RMST: variants seen among roughly 807,000 people sequenced by gnomAD.
The protein encoded by RMST is long intergenic non-protein coding RNA 54.
intron 11 of RMST, among the ~76,000 whole-genome samples, chr12:97,549,490 G>C (rs1208622790): frequency 6.6e-6 from 1 of 152,208 alleles, no homozygotes; most frequent in African/African-American, 2.4e-5. Flanking sequence ...TCTTAGGCCT[G>C]AGTGAATAAG....
At chr12:97,481,539 A>G (rs923123868) in intron 5 of RMST, among the ~76,000 whole-genome samples, 2 of 152,118 alleles carry the variant, frequency 1.3e-5, no homozygotes, top group Admixed American at 6.5e-5. Flanking sequence ...TATTTTTTTC[A>G]TACCGAGAAA....
chr12:97,505,185 T>A (rs1472145583), intron 10 of RMST, among the ~76,000 whole-genome samples: 1 of 152,228 alleles, frequency 6.6e-6, no homozygotes, highest in Non-Finnish European at 1.5e-5. Context: ...ATGGTTTTTC[T>A]TAAGGCACTT....
intron 10 of RMST, among the ~76,000 whole-genome samples, chr12:97,506,754 G>A (rs917390395): frequency 7.6e-6 from 1 of 131,100 alleles, no homozygotes; most frequent in Non-Finnish European, 1.5e-5. Flanking sequence ...CGCAATCTCC[G>A]CTCACTGCAA....
chr12:97,512,329 T>C (rs756168289), intron 10 of RMST, among the ~76,000 whole-genome samples: 10 of 152,096 alleles, frequency 6.6e-5, no homozygotes, highest in Non-Finnish European at 1.2e-4. Flanking sequence ...CAAGATTTAT[T>C]GCAAAGAGAG....
At chr12:97,554,178 T>C (rs1883521799) in intron 11 of RMST, among the ~76,000 whole-genome samples, 1 of 152,118 alleles carries the variant, frequency 6.6e-6, no homozygotes, top group African/African-American at 2.4e-5. Context: ...GGTCTTGAAC[T>C]CCCGACCTCA....
intron 10 of RMST, among the ~76,000 whole-genome samples, chr12:97,500,179 A>C (rs1024240481): frequency 2.6e-5 from 4 of 152,164 alleles, no homozygotes; most frequent in African/African-American, 9.7e-5. Context: ...CAGAGAGGAG[A>C]ATTTTCTCCG....
At chr12:97,511,988 C>A (rs1879358933) in intron 10 of RMST, among the ~76,000 whole-genome samples, 1 of 152,158 alleles carries the variant, frequency 6.6e-6, no homozygotes, top group African/African-American at 2.4e-5. Flanking sequence ...AGAATGAAGC[C>A]GCGGACCCTC....
At chr12:97,557,781 G>T (rs1883814817) in intron 11 of RMST, among the ~76,000 whole-genome samples, 1 of 152,078 alleles carries the variant, frequency 6.6e-6, no homozygotes, top group Non-Finnish European at 1.5e-5. Context: ...AGGTAGAGAG[G>T]CACAAAGGGA....
chr12:97,537,068 A>G (rs1057426102), intron 11 of RMST, among the ~76,000 whole-genome samples: 1 of 151,544 alleles, frequency 6.6e-6, no homozygotes, highest in African/African-American at 2.4e-5. Context: ...GAAGTTGAAG[A>G]ATATTTGCAG....
At chr12:97,503,905 A>G (rs1014295739) in intron 10 of RMST, among the ~76,000 whole-genome samples, 5 of 152,154 alleles carry the variant, frequency 3.3e-5, no homozygotes, top group African/African-American at 9.7e-5. Context: ...TTATTAAGAA[A>G]GACCAATACA....
intron 11 of RMST, among the ~76,000 whole-genome samples, chr12:97,540,934 A>C (rs1046102046): frequency 1.5e-5 from 2 of 130,904 alleles, no homozygotes; most frequent in African/African-American, 3.0e-5. Context: ...AAATAGATAG[A>C]GAGATAGATA....
intron 5 of RMST, among the ~76,000 whole-genome samples, chr12:97,489,261 C>G (rs955936252): frequency 6.6e-6 from 1 of 151,996 alleles, no homozygotes; most frequent in African/African-American, 2.4e-5. Context: ...GCCTGGGCAA[C>G]ATAGCGAGAC....
At chr12:97,499,501 T>C (rs1014413038) in intron 10 of RMST, among the ~76,000 whole-genome samples, 1 of 152,186 alleles carries the variant, frequency 6.6e-6, no homozygotes, top group Admixed American at 6.5e-5. Context: ...ATTTAATTTC[T>C]CAGCTGAGTT....
intron 10 of RMST, among the ~76,000 whole-genome samples, chr12:97,506,870 G>T (rs533199726): frequency 1.3e-5 from 2 of 152,048 alleles, no homozygotes; most frequent in South Asian, 4.2e-4. Context: ...TTTTAGTAGA[G>T]ACGGGGTTTA....
intron 11 of RMST, among the ~76,000 whole-genome samples, chr12:97,558,108 TTC>T (rs1284396692): frequency 2.0e-5 from 3 of 152,222 alleles, no homozygotes; most frequent in Non-Finnish European, 4.4e-5. Context: ...CTCCTCGTTC[TTC>T]TTACTTAGCT....
intron 10 of RMST, among the ~76,000 whole-genome samples, chr12:97,498,443 T>C (rs1419991117): frequency 6.6e-6 from 1 of 152,014 alleles, no homozygotes; most frequent in African/African-American, 2.4e-5. Context: ...CCCCATAGAG[T>C]GGTTGTAAAG....
intron 11 of RMST, among the ~76,000 whole-genome samples, chr12:97,558,598 T>A (rs967580778): frequency 6.6e-6 from 1 of 152,220 alleles, no homozygotes. Flanking sequence ...TGAGTTTTTT[T>A]TTCTTCTATT....
intron 5 of RMST, among the ~76,000 whole-genome samples, chr12:97,482,798 A>T (rs1293252015): frequency 6.9e-6 from 1 of 144,714 alleles, no homozygotes; most frequent in Non-Finnish European, 1.5e-5. Flanking sequence ...TATATTATTT[A>T]TTTATTAAAT....
intron 11 of RMST, among the ~76,000 whole-genome samples, chr12:97,554,571 T>G (rs1592798185): frequency 6.6e-6 from 1 of 152,156 alleles, no homozygotes; most frequent in Middle Eastern, 3.4e-3. Context: ...AAGGTGAAAA[T>G]TTTGAAGATT....
Sources: allele counts gnomAD v4.1 joint callset (sites outside exome capture counted in the v4.1 genomes callset), GRCh38; gene constraint gnomAD v4.1.1; transcripts MANE v1.5; gene names NCBI Gene and HGNC (gene_info 2026-07-23, HGNC 2026-07-21).